ARFGEF3: variants seen among roughly 807,000 people sequenced by gnomAD.
The protein encoded by ARFGEF3 is ARFGEF family member 3, also known as brefeldin A-inhibited guanine nucleotide-exchange protein 3.
ARFGEF3 carries 96 observed loss-of-function variants against 221.7 expected under a neutral mutation model. The ratio of observed to expected loss-of-function variants is 0.43; its 90% CI spans 0.37 to 0.51. The LOEUF (loss-of-function observed/expected upper bound fraction) is 0.51, where lower values mean the gene tolerates loss of function less well. Ranked by LOEUF, ARFGEF3 falls within the 20% of genes least tolerant of loss-of-function variation. The probability of loss-of-function intolerance (pLI) is 0.00; values close to 1 mark genes in which losing one functional copy is unlikely to be tolerated. For missense variants in ARFGEF3, 2,410 were observed against 2,789.9 expected, an observed-to-expected ratio of 0.86 and a Z score of 3.07; for synonymous variants, 1,145 against 1,126.8, an observed-to-expected ratio of 1.02 and a Z score of -0.32.
rs1562341109 is a variant in ARFGEF3, at chr6:138,170,731, TATA to T, written c.137+22_137+24del. 6.8e-7 allele frequency: 1 copy of T among 1,468,470 alleles called. No individual in the cohort carries two copies. The highest frequency in any genetic ancestry group is 9.5e-7 in the Non-Finnish European group (1 of 1,048,040). 91.0% of individuals were successfully genotyped at this position (1,468,470 alleles called of 1,614,324 possible). On this transcript the variant is annotated intron_variant, in intron 2 of 33. Coordinates refer to ENST00000251691, the MANE Select transcript of ARFGEF3 (RefSeq NM_020340.5). ...GTACTGAGGTAGGAGATGGACATTG[TATA>T]ATATCACAGAAGTCAATATTACCCA...
At chr6:138,170,049 T>C (rs1023826959) in intron 1 of ARFGEF3, among the ~76,000 whole-genome samples, 4 of 152,090 alleles carry the variant, frequency 2.6e-5, no homozygotes, top group African/African-American at 9.7e-5. Flanking sequence ...CTGGTGAGCT[T>C]TTCATTATCT....
chr6:138,228,014 G>C (rs779656679), intron 4 of ARFGEF3, among the ~76,000 whole-genome samples: 53 of 152,240 alleles, frequency 3.5e-4, no homozygotes, highest in Non-Finnish European at 7.2e-4. Context: ...GCCCAGGGTA[G>C]GTCCTGGTGA....
chr6:138,179,486 A>G (rs1029520842), intron 2 of ARFGEF3, among the ~76,000 whole-genome samples: 2 of 151,416 alleles, frequency 1.3e-5, no homozygotes, highest in Non-Finnish European at 2.9e-5. Context: ...TTGTCTTTGT[A>G]TGTGTCCCAC....
chr6:138,323,333 C>T (rs183224224), intron 29 of ARFGEF3, among the ~76,000 whole-genome samples: 37 of 152,194 alleles, frequency 2.4e-4, no homozygotes, highest in Admixed American at 1.0e-3. Context: ...CCTTTGTGGC[C>T]GGGCGCGGTG....
At chr6:138,187,845 G>A (rs1268545610) in intron 2 of ARFGEF3, among the ~76,000 whole-genome samples, 4 of 152,172 alleles carry the variant, frequency 2.6e-5, no homozygotes, top group African/African-American at 9.7e-5. Context: ...AAAAGGCATC[G>A]GGTGGAGCCA....
At chr6:138,233,152 T>C (rs1233184893) in intron 5 of ARFGEF3, among the ~76,000 whole-genome samples, 1 of 152,176 alleles carries the variant, frequency 6.6e-6, no homozygotes, top group African/African-American at 2.4e-5. Context: ...ATATGTCACT[T>C]TTTCCAGTAT....
At chr6:138,229,901 T>A in intron 5 of ARFGEF3, 49 bp downstream of exon 5, 7 of 1,420,678 alleles carry the variant, frequency 4.9e-6, no homozygotes, top group Non-Finnish European at 7.0e-6. Flanking sequence ...GCTTTATCTC[T>A]GACTGGGATA....
At chr6:138,266,351 G>A (rs1000537962) in intron 12 of ARFGEF3, among the ~76,000 whole-genome samples, 4 of 151,926 alleles carry the variant, frequency 2.6e-5, no homozygotes, top group African/African-American at 9.7e-5. Context: ...CAGAAGGGAA[G>A]GGAAAACGGA....
chr6:138,241,174 A>G (rs747036613), intron 6 of ARFGEF3, among the ~76,000 whole-genome samples: 1 of 152,202 alleles, frequency 6.6e-6, no homozygotes. Context: ...GGACATGCCT[A>G]TTGTAACTTT....
chr6:138,334,966 G>C lies in ARFGEF3; in HGVS notation c.6120G>C (p.Ala2040=). Residue 2040 remains alanine, a synonymous_variant, in exon 33 of 34, where the codon GCG becomes GCC. Coordinates refer to ENST00000251691, the MANE Select transcript of ARFGEF3 (RefSeq NM_020340.5). This position sits in a 1 kb window ranked among gnomAD's most constrained non-coding sequence, Gnocchi z 5.1. Reference sequence around the variant, plus strand: ...GGAAACAGCAGCACAACCTGTCCGCGTTCCCCAAAGAGGTCAAAGTGGAGA... The same window carrying C: ...GGAAACAGCAGCACAACCTGTCCGCCTTCCCCAAAGAGGTCAAAGTGGAGA... ...KKRKQQHNLS[A]FPKEVKVEKK... is the part of the protein sequence containing the mutation. 2 of 1,586,020 alleles carry C rather than the reference G, an allele frequency of 1.3e-6. No individual in the cohort carries two copies. Among genetic ancestry groups the C allele is most frequent in the Non-Finnish European group, 1.7e-6 (2 of 1,166,794 alleles).
intron 26 of ARFGEF3, among the ~76,000 whole-genome samples, chr6:138,314,645 G>C (rs1199398947): frequency 6.6e-6 from 1 of 152,156 alleles, no homozygotes; most frequent in Non-Finnish European, 1.5e-5. Context: ...TACAATGGTA[G>C]GAAGGCATAG....
chr6:138,276,908 T>C (rs1160098237), intron 12 of ARFGEF3, among the ~76,000 whole-genome samples: 1 of 152,180 alleles, frequency 6.6e-6, no homozygotes, highest in Non-Finnish European at 1.5e-5. Flanking sequence ...TCAAGTGATC[T>C]GCCTGCCTTG....
intron 18 of ARFGEF3, 81 bp downstream of exon 18, chr6:138,290,049 G>T: frequency 7.1e-7 from 1 of 1,412,986 alleles, no homozygotes. Context: ...GTGGAGAGGG[G>T]TGGCCTTAAG....
At chr6:138,307,618 T>C (rs928170039) in intron 23 of ARFGEF3, among the ~76,000 whole-genome samples, 2 of 152,182 alleles carry the variant, frequency 1.3e-5, no homozygotes, top group Non-Finnish European at 2.9e-5. Context: ...AATTGGACAA[T>C]AAGGCTGAGA....
chr6:138,215,706 T>C (rs534024682), intron 4 of ARFGEF3, among the ~76,000 whole-genome samples: 1 of 152,234 alleles, frequency 6.6e-6, no homozygotes, highest in Admixed American at 6.5e-5. Context: ...GGGGTAAAAC[T>C]AGGAGTGGCT....
rs750312188 is a variant in ARFGEF3 at position 138,245,540 on chromosome 6, A to G, written c.614A>G (p.Asp205Gly). The G allele has an allele frequency of 6.2e-7, 1 of 1,611,454 alleles. No individual in the cohort carries two copies. Among genetic ancestry groups the G allele is most frequent in the Admixed American group, 1.7e-5 (1 of 59,714 alleles). The change falls in exon 8 of 34, where the codon GAT (aspartate) becomes GGT (glycine). Residue 205 changes from aspartate to glycine, a missense_variant. Transcript: ENST00000251691. ...TCAACAGTAGAGTCCCTCTGTGATG[A>G]TGTTGTCTCTGTACTCACCGTCCTG... The part of the protein sequence containing the change: ...QGSTVESLCD[D>G]VVSVLTVLCE...
intron 2 of ARFGEF3, among the ~76,000 whole-genome samples, chr6:138,182,709 C>A (rs142640199): frequency 0.013 from 2,035 of 152,288 alleles, 32 homozygotes; most frequent in Middle Eastern, 0.058. Context: ...AATTAAATAA[C>A]TAACTCTTAC....
chr6:138,299,969 C>T (rs1029545133), intron 22 of ARFGEF3, among the ~76,000 whole-genome samples: 1 of 151,902 alleles, frequency 6.6e-6, no homozygotes, highest in African/African-American at 2.4e-5. Context: ...CAACAAAACT[C>T]CCCCGAGAGA....
At chr6:138,214,694 A>T (rs1365642940) in intron 4 of ARFGEF3, among the ~76,000 whole-genome samples, 1 of 152,150 alleles carries the variant, frequency 6.6e-6, no homozygotes, top group Admixed American at 6.5e-5. Flanking sequence ...TTTTGTAGAG[A>T]TTTCTCCAAG....
Sources: allele counts gnomAD v4.1 joint callset (sites outside exome capture counted in the v4.1 genomes callset), GRCh38; gene constraint gnomAD v4.1.1; non-coding constraint Gnocchi (gnomAD v3.1); transcripts MANE v1.5; gene names NCBI Gene and HGNC (gene_info 2026-07-23, HGNC 2026-07-21).